Variants in CCDC171 observed in about 807,000 individuals in gnomAD.
CCDC171 encodes the protein coiled-coil domain containing 171.
A neutral mutation model predicts 168.2 loss-of-function variants in CCDC171; 177 were observed. The observed-to-expected ratio is 1.05, with a 90% CI of 0.93 to 1.19. The LOEUF is 1.19. Ranked by LOEUF, CCDC171 falls within the 50% of genes most tolerant of loss-of-function variation. CCDC171 has a pLI of 0.00. For missense variants in CCDC171, 1,991 were observed against 1,539.0 expected (o/e 1.29, Z -4.91); for synonymous variants, 687 against 540.8 (o/e 1.27, Z -3.75).
At chr9:16,068,547 T>C in the CCDC171 span, among the ~76,000 whole-genome samples, 1 of 152,214 alleles carries the variant, frequency 6.6e-6, no homozygotes, top group South Asian at 2.1e-4. Flanking sequence ...CAGTTCAAAC[T>C]CTGGCTCCAC....
At chr9:15,687,307 A>G (rs1231358817) in intron 10 of CCDC171, among the ~76,000 whole-genome samples, 1 of 152,152 alleles carries the variant, frequency 6.6e-6, no homozygotes, top group Non-Finnish European at 1.5e-5. Context: ...TTCAAAAAAA[A>G]TACTGGGGCA....
chr9:16,097,256 T>C, the CCDC171 span, among the ~76,000 whole-genome samples: 1 of 152,188 alleles, frequency 6.6e-6, no homozygotes, highest in African/African-American at 2.4e-5. Flanking sequence ...GGAAATTGGT[T>C]CCCACTTAGG....
intron 6 of CCDC171, among the ~76,000 whole-genome samples, chr9:15,595,044 A>G (rs1431352108): frequency 6.6e-6 from 1 of 152,224 alleles, no homozygotes; most frequent in African/African-American, 2.4e-5. Flanking sequence ...TTTCACAAGA[A>G]TGAAAAATAT....
intron 3 of CCDC171, among the ~76,000 whole-genome samples, chr9:16,019,872 C>A (rs979140475): frequency 6.6e-6 from 1 of 152,220 alleles, no homozygotes; most frequent in African/African-American, 2.4e-5. Context: ...GACTTCTGGG[C>A]AGCAGGGAAG....
intron 21 of CCDC171, among the ~76,000 whole-genome samples, chr9:15,834,466 C>T (rs1251220511): frequency 1.3e-5 from 2 of 152,104 alleles, no homozygotes; most frequent in East Asian, 3.8e-4. Flanking sequence ...AGTAATATTG[C>T]ACTGTTATAT....
intron 21 of CCDC171, among the ~76,000 whole-genome samples, chr9:15,810,238 G>A (rs1304629202): frequency 6.6e-6 from 1 of 152,050 alleles, no homozygotes; most frequent in African/African-American, 2.4e-5. Flanking sequence ...CCAACCCTGA[G>A]CTAGACACAG....
intron 6 of CCDC171, among the ~76,000 whole-genome samples, chr9:15,621,359 T>C (rs931864388): frequency 2.6e-5 from 4 of 152,240 alleles, no homozygotes; most frequent in African/African-American, 9.6e-5. Context: ...AACATTACTT[T>C]CATTTGCAAT....
chr9:15,965,886 T>C (rs1195673339), intron 25 of CCDC171, among the ~76,000 whole-genome samples: 1 of 152,238 alleles, frequency 6.6e-6, no homozygotes, highest in East Asian at 1.9e-4. Flanking sequence ...AAAGCCCGTA[T>C]TCTTTCCATT....
At chr9:15,671,869 G>A (rs1587868908) in intron 9 of CCDC171, among the ~76,000 whole-genome samples, 1 of 152,302 alleles carries the variant, frequency 6.6e-6, no homozygotes, top group African/African-American at 2.4e-5. Context: ...TATATACCCA[G>A]TAATGGGATC....
the CCDC171 span, among the ~76,000 whole-genome samples, chr9:16,079,137 A>G: frequency 8.7e-4 from 133 of 152,272 alleles, 3 homozygotes; most frequent in South Asian, 0.027. Context: ...GATTTGACCA[A>G]TCATTGTTTT....
chr9:15,953,541 T>C (rs1589234500), intron 25 of CCDC171, among the ~76,000 whole-genome samples: 1 of 152,240 alleles, frequency 6.6e-6, no homozygotes, highest in Non-Finnish European at 1.5e-5. Flanking sequence ...TTAGTTATGG[T>C]GTTTGGTCAT....
intron 6 of CCDC171, among the ~76,000 whole-genome samples, chr9:15,608,419 G>A (rs962450998): frequency 6.6e-6 from 1 of 152,072 alleles, no homozygotes; most frequent in African/African-American, 2.4e-5. Context: ...TCTCTTAAGT[G>A]GGTGTAACAA....
chr9:15,996,834 A>G (rs1207958286), intron 3 of CCDC171, among the ~76,000 whole-genome samples: 2 of 152,216 alleles, frequency 1.3e-5, no homozygotes, highest in African/African-American at 2.4e-5. Flanking sequence ...ATAAATGAAT[A>G]TGAAGACAAA....
At chr9:15,668,313 A>G (rs1037348159) in intron 9 of CCDC171, among the ~76,000 whole-genome samples, 1 of 152,126 alleles carries the variant, frequency 6.6e-6, no homozygotes, top group African/African-American at 2.4e-5. Context: ...TCTGAGTCTA[A>G]CCTATATACT....
chr9:15,767,380 C>CTCTGACTCTGACCTCTTCT (rs2056779365), intron 18 of CCDC171, among the ~76,000 whole-genome samples: 1 of 152,208 alleles, frequency 6.6e-6, no homozygotes, highest in Non-Finnish European at 1.5e-5. Context: ...GCAAATCTCT[C>CTCTGACTCTGACCTCTTCT]TCTGACTCTG....
At chr9:15,918,834 A>G (rs1223005692) in intron 24 of CCDC171, among the ~76,000 whole-genome samples, 2 of 151,640 alleles carry the variant, frequency 1.3e-5, no homozygotes, top group Non-Finnish European at 3.0e-5. Context: ...CCCAAACATC[A>G]TCACCCTTTC....
chr9:15,655,278 A>G lies in CCDC171; in HGVS notation c.823-1849A>G, dbSNP rs1171612997. On this transcript the variant is annotated intron_variant, in intron 7 of 25. Coordinates refer to ENST00000380701, the MANE Select transcript of CCDC171 (RefSeq NM_173550.4). Reference sequence around the variant, plus strand: ...TTCATCTAGGAAGGGAAATCAAATTAGTAATGCCTTTTTCTGTCCCTATTG... The same window carrying G: ...TTCATCTAGGAAGGGAAATCAAATTGGTAATGCCTTTTTCTGTCCCTATTG... 2.0e-5 allele frequency among the ~76,000 whole-genome samples: 3 copies of G among 152,176 alleles called. 1 individual carries two copies. The East Asian group carries it at 5.8e-4, about 29-fold the overall frequency.
At chr9:15,555,059 G>C (rs1283414252) in intron 1 of CCDC171, among the ~76,000 whole-genome samples, 1 of 152,108 alleles carries the variant, frequency 6.6e-6, no homozygotes. Flanking sequence ...TCAGATGTAA[G>C]GTAGAAAAAT....
intron 21 of CCDC171, among the ~76,000 whole-genome samples, chr9:15,844,195 T>G (rs548709080): frequency 1.3e-4 from 20 of 152,070 alleles, no homozygotes; most frequent in Non-Finnish European, 2.8e-4. Flanking sequence ...GTTGGAAATA[T>G]TAGAGTCCAT....
Sources: allele counts gnomAD v4.1 joint callset (sites outside exome capture counted in the v4.1 genomes callset), GRCh38; gene constraint gnomAD v4.1.1; transcripts MANE v1.5; gene names NCBI Gene and HGNC (gene_info 2026-07-23, HGNC 2026-07-21).